The following PDE10A variants were observed in gnomAD, a reference collection of about 807,000 sequenced individuals.
PDE10A encodes phosphodiesterase 10A.
In PDE10A, 39 loss-of-function variants were observed where a neutral mutation model predicts 97.7. The observed-to-expected ratio is 0.40, with a 90% CI of 0.31 to 0.52. PDE10A has a LOEUF of 0.52. PDE10A is among the 20% of genes least tolerant of loss of function. PDE10A has a pLI of 0.56. For missense variants in PDE10A, 731 were observed against 1,047.8 expected (o/e 0.70, Z 4.17); for synonymous variants, 371 against 376.8 (o/e 0.98, Z 0.18).
intron 1 of PDE10A, among the ~76,000 whole-genome samples, chr6:165,583,388 TCCCAA>T (rs1452717070): frequency 6.6e-6 from 1 of 152,182 alleles, no homozygotes; most frequent in Admixed American, 6.5e-5. Flanking sequence ...AAAAATCACT[TCCCAA>T]AAGATACCCA....
chr6:165,782,629 A>G (rs1391092010), intron 1 of PDE10A, among the ~76,000 whole-genome samples: 1 of 152,242 alleles, frequency 6.6e-6, no homozygotes, highest in African/African-American at 2.4e-5. Flanking sequence ...CTCTGTTAAC[A>G]CAATCTGTCG....
At chr6:165,857,966 T>C (rs1780795147) in intron 1 of PDE10A, among the ~76,000 whole-genome samples, 1 of 152,172 alleles carries the variant, frequency 6.6e-6, no homozygotes, top group Non-Finnish European at 1.5e-5. Flanking sequence ...AGCTGTACTG[T>C]TTGTGCACAC....
intron 1 of PDE10A, among the ~76,000 whole-genome samples, chr6:165,743,904 G>A (rs1166936771): frequency 6.6e-6 from 1 of 152,182 alleles, no homozygotes; most frequent in Non-Finnish European, 1.5e-5. Flanking sequence ...ATTCCATGTA[G>A]GACACGGACA....
intron 1 of PDE10A, among the ~76,000 whole-genome samples, chr6:165,568,563 C>T (rs887024450): frequency 6.6e-6 from 1 of 152,166 alleles, no homozygotes; most frequent in African/African-American, 2.4e-5. Context: ...ATCCCTCAGA[C>T]ACTTTGTAGC....
At chr6:165,945,640 C>A (rs549688062) in intron 1 of PDE10A, among the ~76,000 whole-genome samples, 9 of 152,314 alleles carry the variant, frequency 5.9e-5, no homozygotes, top group African/African-American at 1.9e-4. Flanking sequence ...GAGGTGCCAT[C>A]TACAAACCAG....
At chr6:165,968,951 T>A (rs2128500333) in intron 1 of PDE10A, among the ~76,000 whole-genome samples, 1 of 152,240 alleles carries the variant, frequency 6.6e-6, no homozygotes, top group Middle Eastern at 3.4e-3. Flanking sequence ...AGGTTTGCAC[T>A]TAAGAATCAT....
chr6:165,569,547 TA>T (rs1784948882), intron 1 of PDE10A, among the ~76,000 whole-genome samples: 1 of 152,220 alleles, frequency 6.6e-6, no homozygotes, highest in Admixed American at 6.5e-5. Flanking sequence ...AAATTTGTAG[TA>T]TAATATAACT....
At chr6:165,631,739 A>C (rs1214893692) in intron 1 of PDE10A, among the ~76,000 whole-genome samples, 4 of 152,254 alleles carry the variant, frequency 2.6e-5, no homozygotes, top group Non-Finnish European at 4.4e-5. Context: ...AAGGTTGCCA[A>C]ACCTGTGCAG....
At chr6:165,794,151 A>G (rs1778748805) in intron 1 of PDE10A, among the ~76,000 whole-genome samples, 1 of 151,212 alleles carries the variant, frequency 6.6e-6, no homozygotes, top group Non-Finnish European at 1.5e-5. Context: ...TCACTCACAC[A>G]CACTCACTGC....
chr6:165,791,474 G>A (rs62427293), intron 1 of PDE10A, among the ~76,000 whole-genome samples: 3,250 of 152,210 alleles, frequency 0.021, 57 homozygotes, highest in South Asian at 0.061. Flanking sequence ...TGTGAACGGC[G>A]CTGCCACGGT....
chr6:165,406,262 T>TGTGTGTG (rs1787156060), intron 13 of PDE10A, among the ~76,000 whole-genome samples: 2 of 43,002 alleles, frequency 4.7e-5, no homozygotes, highest in African/African-American at 1.0e-4. Flanking sequence ...GTGTGTGTGT[T>TGTGTGTG]TCTGTGTGTG....
chr6:165,413,942 C>G (rs1583235263), intron 12 of PDE10A, among the ~76,000 whole-genome samples: 1 of 152,070 alleles, frequency 6.6e-6, no homozygotes. Context: ...CTCTAAGAGG[C>G]TTTCAGCTTA....
chr6:165,606,896 G>A (rs537913611), intron 1 of PDE10A, among the ~76,000 whole-genome samples: 41 of 152,180 alleles, frequency 2.7e-4, no homozygotes, highest in African/African-American at 9.6e-4. Flanking sequence ...CATAAGAGGG[G>A]TGGGAGCCCA....
chr6:165,585,686 C>A (rs1181193611), intron 1 of PDE10A, among the ~76,000 whole-genome samples: 2 of 152,180 alleles, frequency 1.3e-5, no homozygotes, highest in African/African-American at 2.4e-5. Flanking sequence ...TTCCAGACTT[C>A]TCTTCTCCAG....
intron 2 of PDE10A, among the ~76,000 whole-genome samples, chr6:165,524,670 A>T (rs1782322845): frequency 2.0e-4 from 1 of 4,926 alleles, no homozygotes; most frequent in African/African-American, 3.0e-4. Flanking sequence ...GCCCTGAGTC[A>T]GTCTTATCTC....
chr6:165,575,403 G>C (rs566728939), intron 1 of PDE10A, among the ~76,000 whole-genome samples: 2 of 152,262 alleles, frequency 1.3e-5, no homozygotes, highest in African/African-American at 4.8e-5. Context: ...TTACTCAGAG[G>C]ATCCTTTATT....
chr6:165,980,952 G>A (rs971807096), intron 1 of PDE10A, among the ~76,000 whole-genome samples: 2 of 152,106 alleles, frequency 1.3e-5, no homozygotes, highest in Non-Finnish European at 2.9e-5. Flanking sequence ...CTGCTTGCCT[G>A]AGAAACGTTT....
chr6:165,504,725 T>TCTTACTAATAATAAC (rs1195877057), intron 2 of PDE10A, among the ~76,000 whole-genome samples: 15 of 152,256 alleles, frequency 9.9e-5, no homozygotes, highest in Middle Eastern at 3.4e-3. Flanking sequence ...TAACATAAAA[T>TCTTACTAATAATAAC]CTTACTAATA....
intron 1 of PDE10A, among the ~76,000 whole-genome samples, chr6:165,741,867 G>C (rs1311741336): frequency 6.6e-6 from 1 of 152,012 alleles, no homozygotes; most frequent in East Asian, 1.9e-4. Context: ...ACAAACAATA[G>C]GCAAAGGAAT....
Sources: gnomAD v4.1 joint callset for allele counts (sites outside exome capture counted in the v4.1 genomes callset) on GRCh38, gnomAD v4.1.1 for gene constraint, MANE v1.5 for transcripts, NCBI Gene and HGNC (gene_info 2026-07-23, HGNC 2026-07-21) for gene names.